TRPS1: variants seen among roughly 807,000 people sequenced by gnomAD.
The protein encoded by TRPS1 is zinc finger transcription factor Trps1.
Under a neutral mutation model 101.2 loss-of-function variants are expected in TRPS1, and 6 were observed. The ratio of observed to expected loss-of-function variants is 0.06; its 90% CI spans 0.03 to 0.12. The LOEUF is 0.12. TRPS1 is among the 10% of genes least tolerant of loss of function. The pLI, the probability that TRPS1 is intolerant of heterozygous loss-of-function variation, is 1.00. For missense variants in TRPS1, 1,363 were observed against 1,567.0 expected, an observed-to-expected ratio of 0.87 and a Z score of 2.20; for synonymous variants, 578 against 589.8, an observed-to-expected ratio of 0.98 and a Z score of 0.29.
chr8:115,587,618 A>T lies in TRPS1; in HGVS notation c.2097-14T>A. 6.2e-7 allele frequency: 1 copy of T among 1,613,928 alleles called. No individual in the cohort carries two copies. The highest frequency in any genetic ancestry group is 1.3e-5 in the African/African-American group (1 of 75,036). On this transcript the variant is annotated splice_polypyrimidine_tract_variant and intron_variant, in intron 4 of 6. Coordinates refer to ENST00000395715, the MANE Select transcript of TRPS1 (RefSeq NM_014112.5). Reference sequence around the variant, plus strand: ...CTGTGTGCTCTCCTGGAGAAGAAGAAAACAGTTACTGCAAAGACAGCGTTC... The same window carrying T: ...CTGTGTGCTCTCCTGGAGAAGAAGATAACAGTTACTGCAAAGACAGCGTTC...
At chr8:115,489,067 A>G (rs1368751416) in intron 5 of TRPS1, among the ~76,000 whole-genome samples, 2 of 152,186 alleles carry the variant, frequency 1.3e-5, no homozygotes, top group African/African-American at 4.8e-5. Context: ...AAAATAATCT[A>G]TATGACTTAA....
At chr8:115,656,047 G>A (rs1319351945) in intron 1 of TRPS1, among the ~76,000 whole-genome samples, 1 of 152,056 alleles carries the variant, frequency 6.6e-6, no homozygotes, top group East Asian at 1.9e-4. Context: ...GAAATAATGA[G>A]CTCTCTCAGA....
At chr8:115,648,885 C>A (rs1377021883) in intron 1 of TRPS1, among the ~76,000 whole-genome samples, 1 of 151,750 alleles carries the variant, frequency 6.6e-6, no homozygotes, top group Non-Finnish European at 1.5e-5. Flanking sequence ...CATAAGCTAC[C>A]TCAGATTCAA....
chr8:115,655,730 A>G (rs2130618452), intron 1 of TRPS1, among the ~76,000 whole-genome samples: 1 of 152,298 alleles, frequency 6.6e-6, no homozygotes, highest in South Asian at 2.1e-4. Context: ...AGAGCTACTG[A>G]ACTTTTCATA....
intron 5 of TRPS1, among the ~76,000 whole-genome samples, chr8:115,556,792 A>T (rs184186166): frequency 6.6e-6 from 1 of 152,114 alleles, no homozygotes; most frequent in African/African-American, 2.4e-5. Flanking sequence ...CCTATTTTTT[A>T]TGATGCTAAG....
chr8:115,607,107 C>A (rs534674622), intron 3 of TRPS1, among the ~76,000 whole-genome samples: 24 of 152,228 alleles, frequency 1.6e-4, no homozygotes, highest in African/African-American at 5.8e-4. Context: ...ATTTTGCAAT[C>A]TTTAAGCCTC....
chr8:115,586,172 C>G (rs183198332), intron 5 of TRPS1, among the ~76,000 whole-genome samples: 1 of 152,310 alleles, frequency 6.6e-6, no homozygotes, highest in East Asian at 1.9e-4. Context: ...AAGCTCAAAA[C>G]TTTCACAGAC....
intron 5 of TRPS1, among the ~76,000 whole-genome samples, chr8:115,528,050 C>T (rs1359167775): frequency 6.6e-6 from 1 of 152,086 alleles, no homozygotes. Context: ...TTGGCCTGCT[C>T]TCCTTCTTGC....
chr8:115,453,364 C>T (rs569685618), intron 5 of TRPS1, among the ~76,000 whole-genome samples: 2 of 152,204 alleles, frequency 1.3e-5, no homozygotes, highest in African/African-American at 2.4e-5. Flanking sequence ...GTCAGCTGAG[C>T]GTTTACTGAC....
intron 5 of TRPS1, among the ~76,000 whole-genome samples, chr8:115,490,995 G>C (rs889571380): frequency 6.6e-6 from 1 of 152,102 alleles, no homozygotes; most frequent in African/African-American, 2.4e-5. Context: ...TACTGGGAGG[G>C]ACATATATTC....
At chr8:115,665,467 G>A (rs995558203) in intron 1 of TRPS1, among the ~76,000 whole-genome samples, 1 of 152,136 alleles carries the variant, frequency 6.6e-6, no homozygotes, top group Non-Finnish European at 1.5e-5. Context: ...TGTTTTAAAG[G>A]TCTTCCTTAT....
intron 5 of TRPS1, among the ~76,000 whole-genome samples, chr8:115,498,941 G>A (rs769971669): frequency 1.3e-5 from 2 of 152,064 alleles, no homozygotes; most frequent in African/African-American, 4.8e-5. Flanking sequence ...TCCTAAAATG[G>A]AAAGGTTCAT....
chr8:115,630,801 T>TA (rs1181202060), intron 1 of TRPS1, among the ~76,000 whole-genome samples: 1 of 152,064 alleles, frequency 6.6e-6, no homozygotes, highest in Non-Finnish European at 1.5e-5. Flanking sequence ...GGTGCAGACC[T>TA]AGCACATGAA....
chr8:115,652,881 A>G (rs771373454), intron 1 of TRPS1, among the ~76,000 whole-genome samples: 4 of 152,242 alleles, frequency 2.6e-5, no homozygotes. Flanking sequence ...AGGTGACTAC[A>G]TTAGCATAGT....
chr8:115,667,283 C>T (rs976529228), intron 1 of TRPS1, among the ~76,000 whole-genome samples: 3 of 152,122 alleles, frequency 2.0e-5, no homozygotes, highest in Non-Finnish European at 4.4e-5. Flanking sequence ...CAGACAGGTA[C>T]TAACGAAAAA....
At chr8:115,642,114 T>G (rs1818912512) in intron 1 of TRPS1, among the ~76,000 whole-genome samples, 1 of 151,722 alleles carries the variant, frequency 6.6e-6, no homozygotes, top group African/African-American at 2.4e-5. Context: ...TTTAGGAGGC[T>G]GAGGCTGGAA....
intron 5 of TRPS1, among the ~76,000 whole-genome samples, chr8:115,503,080 G>A (rs1013383409): frequency 6.6e-6 from 1 of 151,884 alleles, no homozygotes; most frequent in East Asian, 1.9e-4. Context: ...TGGCTAACAC[G>A]ATGAAACCCC....
intron 5 of TRPS1, among the ~76,000 whole-genome samples, chr8:115,564,040 C>T (rs535596391): frequency 1.1e-4 from 17 of 152,190 alleles, no homozygotes; most frequent in Non-Finnish European, 2.5e-4. Context: ...TCAGTTCTTG[C>T]AGTGAACAGT....
chr8:115,507,584 C>T (rs1031502526), intron 5 of TRPS1, among the ~76,000 whole-genome samples: 1 of 151,996 alleles, frequency 6.6e-6, no homozygotes, highest in African/African-American at 2.4e-5. Flanking sequence ...GCACCACAGA[C>T]CCAAAGTCTC....
Sources: gnomAD v4.1 joint callset for allele counts (sites outside exome capture counted in the v4.1 genomes callset) on GRCh38, gnomAD v4.1.1 for gene constraint, MANE v1.5 for transcripts, NCBI Gene and HGNC (gene_info 2026-07-23, HGNC 2026-07-21) for gene names.